The following PIP5K1B variants were observed in gnomAD, a reference collection of about 807,000 sequenced individuals.
PIP5K1B encodes the protein phosphatidylinositol-4-phosphate 5-kinase type 1 beta, also known as phosphatidylinositol 4-phosphate 5-kinase type-1 beta.
In PIP5K1B, 42 loss-of-function variants were observed where a neutral mutation model predicts 67.0. The observed-to-expected ratio is 0.63, with a 90% CI of 0.49 to 0.81. The LOEUF is 0.81. PIP5K1B is among the 30% of genes least tolerant of loss of function. The pLI is 0.00. For synonymous variants in PIP5K1B, 214 were observed against 231.4 expected (o/e 0.92, Z 0.68); for missense variants, 459 against 646.3 (o/e 0.71, Z 3.14).
At chr9:68,720,725 G>C (rs1211849336) in intron 1 of PIP5K1B, among the ~76,000 whole-genome samples, 2 of 150,868 alleles carry the variant, frequency 1.3e-5, no homozygotes, top group African/African-American at 4.9e-5. Flanking sequence ...ACCTGGGCTG[G>C]TGTAGAAACT....
intron 2 of PIP5K1B, among the ~76,000 whole-genome samples, chr9:68,758,139 A>G (rs1002840021): frequency 6.6e-6 from 1 of 152,204 alleles, no homozygotes; most frequent in Non-Finnish European, 1.5e-5. Flanking sequence ...TAAGACAAAA[A>G]TAGCAACATT....
chr9:68,957,878 T>G (rs1828484603), intron 14 of PIP5K1B, among the ~76,000 whole-genome samples: 2 of 151,864 alleles, frequency 1.3e-5, no homozygotes, highest in African/African-American at 4.8e-5. Context: ...TCTTTTCTTT[T>G]TTTTTTTTCT....
At chr9:68,973,806 A>C (rs1311915216) in intron 14 of PIP5K1B, among the ~76,000 whole-genome samples, 1 of 152,158 alleles carries the variant, frequency 6.6e-6, no homozygotes, top group African/African-American at 2.4e-5. Flanking sequence ...AGACAGTCTA[A>C]ACACTAGCAC....
chr9:68,876,517 C>A (rs1327479406), intron 5 of PIP5K1B, among the ~76,000 whole-genome samples, 160 bp from the exon 6 acceptor site: 3 of 152,172 alleles, frequency 2.0e-5, no homozygotes, highest in Non-Finnish European at 4.4e-5. Context: ...GCCTGGTTAT[C>A]ATTGGCCTTT....
chr9:68,823,571 CTT>C (rs1353574986), intron 4 of PIP5K1B, among the ~76,000 whole-genome samples: 1 of 152,174 alleles, frequency 6.6e-6, no homozygotes, highest in Non-Finnish European at 1.5e-5. Context: ...ACTTACCAGT[CTT>C]TGATAAATTC....
intron 8 of PIP5K1B, among the ~76,000 whole-genome samples, chr9:68,898,050 C>T (rs768824132): frequency 4.6e-5 from 7 of 152,146 alleles, no homozygotes; most frequent in Non-Finnish European, 8.8e-5. Flanking sequence ...TTGTGGCAGC[C>T]CCTGAGTCCC....
intron 4 of PIP5K1B, among the ~76,000 whole-genome samples, chr9:68,834,351 C>T (rs1214783364): frequency 6.6e-6 from 1 of 152,210 alleles, no homozygotes; most frequent in East Asian, 1.9e-4. Context: ...CTATCATTGC[C>T]TTTGTCCACC....
At chr9:68,840,828 A>G (rs913265493) in intron 4 of PIP5K1B, among the ~76,000 whole-genome samples, 6 of 152,192 alleles carry the variant, frequency 3.9e-5, no homozygotes, top group Non-Finnish European at 8.8e-5. Flanking sequence ...GTAAAGTAAC[A>G]TTATATTTTG....
intron 4 of PIP5K1B, among the ~76,000 whole-genome samples, chr9:68,823,594 G>C (rs1415074366): frequency 1.3e-5 from 2 of 152,108 alleles, no homozygotes; most frequent in African/African-American, 4.8e-5. Context: ...TCGACTCCCA[G>C]CTACCAAGCT....
intron 15 of PIP5K1B, among the ~76,000 whole-genome samples, chr9:69,004,560 C>T (rs1174747524): frequency 6.6e-6 from 1 of 152,186 alleles, no homozygotes; most frequent in Non-Finnish European, 1.5e-5. Flanking sequence ...AGTCTCTACA[C>T]CCATTCGGTC....
intron 15 of PIP5K1B, among the ~76,000 whole-genome samples, chr9:69,003,654 G>T (rs1423594144): frequency 6.6e-6 from 1 of 152,170 alleles, no homozygotes; most frequent in Admixed American, 6.5e-5. Flanking sequence ...CGATATGTTT[G>T]TAAGCCAGTC....
intron 2 of PIP5K1B, chr9:68,788,745 A>G (rs910994700): frequency 3.7e-6 from 1 of 267,500 alleles, no homozygotes; most frequent in Non-Finnish European, 7.7e-6. Flanking sequence ...GGTGACTATC[A>G]CTCCCTCTGT....
At chr9:68,791,985 T>A (rs1831997177) in intron 2 of PIP5K1B, among the ~76,000 whole-genome samples, 1 of 152,156 alleles carries the variant, frequency 6.6e-6, no homozygotes, top group Non-Finnish European at 1.5e-5. Context: ...TTCTTCCTCC[T>A]TCCTCCACAA....
intron 6 of PIP5K1B, among the ~76,000 whole-genome samples, chr9:68,877,962 G>C (rs558206260): frequency 6.6e-6 from 1 of 151,334 alleles, no homozygotes; most frequent in Non-Finnish European, 1.5e-5. Context: ...GAAGCCTCAG[G>C]TGCCTCTACC....
intron 4 of PIP5K1B, among the ~76,000 whole-genome samples, chr9:68,853,512 C>A (rs1170886230): frequency 1.3e-5 from 2 of 152,140 alleles, no homozygotes; most frequent in Non-Finnish European, 2.9e-5. Context: ...CTCCCTGGAG[C>A]CTGGAGGATG....
intron 14 of PIP5K1B, among the ~76,000 whole-genome samples, chr9:68,955,112 G>A (rs1587715665): frequency 6.6e-6 from 1 of 152,184 alleles, no homozygotes; most frequent in Non-Finnish European, 1.5e-5. Context: ...TATGATGCCT[G>A]CAGTAAAGGA....
At chr9:68,746,116 T>G (rs1829293675) in intron 2 of PIP5K1B, among the ~76,000 whole-genome samples, 2 of 146,752 alleles carry the variant, frequency 1.4e-5, no homozygotes, top group Admixed American at 7.0e-5. Flanking sequence ...TCTTGCTCTG[T>G]CACCCAGGCT....
At chr9:68,873,281 C>CTTTT (rs772335388) in intron 5 of PIP5K1B, among the ~76,000 whole-genome samples, 166 of 90,660 alleles carry the variant, frequency 1.8e-3, no homozygotes, top group Non-Finnish European at 2.2e-3. Flanking sequence ...ACTTTCTGAT[C>CTTTT]TTTTTTTTTT....
chr9:68,905,655 A>G (rs1825574499), intron 8 of PIP5K1B, among the ~76,000 whole-genome samples: 1 of 152,166 alleles, frequency 6.6e-6, no homozygotes, highest in Admixed American at 6.5e-5. Context: ...GTCAGACATG[A>G]CCTTGTCTTC....
Sources: gnomAD v4.1 joint callset for allele counts (sites outside exome capture counted in the v4.1 genomes callset) on GRCh38, gnomAD v4.1.1 for gene constraint, MANE v1.5 for transcripts, NCBI Gene and HGNC (gene_info 2026-07-23, HGNC 2026-07-21) for gene names.